The following MYO1D variants were observed in gnomAD, a reference collection of about 807,000 sequenced individuals.
The protein encoded by MYO1D is unconventional myosin-Id.
A neutral mutation model predicts 122.0 loss-of-function variants in MYO1D; 83 were observed. That is an observed-to-expected ratio of 0.68 (90% CI 0.57 to 0.82). The LOEUF (loss-of-function observed/expected upper bound fraction) is 0.82, where lower values mean the gene tolerates loss of function less well. Ranked by LOEUF, MYO1D falls within the 40% of genes least tolerant of loss-of-function variation. The probability of loss-of-function intolerance (pLI) is 0.00; values close to 1 mark genes in which losing one functional copy is unlikely to be tolerated. For missense variants in MYO1D, 1,157 were observed against 1,269.5 expected, an observed-to-expected ratio of 0.91 and a Z score of 1.35; for synonymous variants, 464 against 446.9, an observed-to-expected ratio of 1.04 and a Z score of -0.48.
At chr17:32,598,613 G>A (rs1012869023) in intron 21 of MYO1D, among the ~76,000 whole-genome samples, 4 of 152,104 alleles carry the variant, frequency 2.6e-5, no homozygotes, top group Non-Finnish European at 5.9e-5. Flanking sequence ...GATATTTTGG[G>A]TTTGGGTGCA....
At chr17:32,639,346 T>G in intron 19 of MYO1D, among the ~76,000 whole-genome samples, 1 of 147,890 alleles carries the variant, frequency 6.8e-6, no homozygotes, top group Non-Finnish European at 1.5e-5. Flanking sequence ...AACTAGATTA[T>G]GAGATTGGGA....
At chr17:32,717,907 T>C (rs2089466523) in intron 15 of MYO1D, among the ~76,000 whole-genome samples, 1 of 152,220 alleles carries the variant, frequency 6.6e-6, no homozygotes, top group Non-Finnish European at 1.5e-5. Flanking sequence ...TGCAAATCCC[T>C]GGCCACTGTT....
intron 20 of MYO1D, among the ~76,000 whole-genome samples, chr17:32,607,943 C>A (rs962790140): frequency 1.3e-5 from 2 of 152,074 alleles, no homozygotes; most frequent in African/African-American, 4.8e-5. Flanking sequence ...CCCATGCAAA[C>A]GGAAATAAAA....
At chr17:32,697,580 C>T (rs552011784) in intron 16 of MYO1D, among the ~76,000 whole-genome samples, 5 of 152,004 alleles carry the variant, frequency 3.3e-5, no homozygotes, top group Non-Finnish European at 7.4e-5. Context: ...CTAGCCATAG[C>T]TCGAAAGTCA....
intron 21 of MYO1D, among the ~76,000 whole-genome samples, chr17:32,601,939 G>A (rs992700087): frequency 3.3e-5 from 5 of 152,188 alleles, no homozygotes; most frequent in Non-Finnish European, 5.9e-5. Flanking sequence ...ACTGCAGGAG[G>A]TGAAAGAGAG....
intron 19 of MYO1D, among the ~76,000 whole-genome samples, chr17:32,648,048 T>A (rs1423890505): frequency 6.6e-6 from 1 of 152,110 alleles, no homozygotes; most frequent in African/African-American, 2.4e-5. Context: ...ACCCTGCCTA[T>A]ACTAAAAATA....
intron 16 of MYO1D, among the ~76,000 whole-genome samples, chr17:32,680,356 C>T (rs2088894226): frequency 9.6e-5 from 1 of 10,404 alleles, no homozygotes; most frequent in Non-Finnish European, 1.9e-4. Flanking sequence ...AAAGGGAATG[C>T]TTCCAGTTTT....
chr17:32,563,206 CTT>C (rs1279675450), intron 21 of MYO1D, among the ~76,000 whole-genome samples: 1 of 95,982 alleles, frequency 1.0e-5, no homozygotes, highest in African/African-American at 3.9e-5. Context: ...TTTCTTCTCT[CTT>C]TTTTTTTTTT....
chr17:32,755,930 C>T (rs2089943315), intron 10 of MYO1D, among the ~76,000 whole-genome samples: 1 of 152,164 alleles, frequency 6.6e-6, no homozygotes, highest in Non-Finnish European at 1.5e-5. Flanking sequence ...CCATTTCTCC[C>T]ATTACAAACT....
intron 21 of MYO1D, among the ~76,000 whole-genome samples, chr17:32,580,674 G>C (rs2087330050): frequency 6.6e-6 from 1 of 152,062 alleles, no homozygotes; most frequent in Admixed American, 6.5e-5. Flanking sequence ...CTCCCAAAGT[G>C]CTGGGATTAC....
chr17:32,683,813 A>C (rs2088962083), intron 16 of MYO1D, among the ~76,000 whole-genome samples: 1 of 152,190 alleles, frequency 6.6e-6, no homozygotes, highest in Non-Finnish European at 1.5e-5. Flanking sequence ...TACCTAAGCA[A>C]GCCTGGGCAA....
At chr17:32,835,162 G>A (rs1013916892) in intron 1 of MYO1D, among the ~76,000 whole-genome samples, 1 of 151,636 alleles carries the variant, frequency 6.6e-6, no homozygotes, top group African/African-American at 2.4e-5. Context: ...CTTTCTTTTG[G>A]GGTTTTTTTT....
In MYO1D at chr17:32,567,464, G is replaced by A. The variant is rs917261580; in HGVS notation, c.2864+37623C>T. Among the ~76,000 whole-genome samples, 4 of 152,352 alleles carry A rather than the reference G, an allele frequency of 2.6e-5. No homozygotes were observed. The South Asian group carries it at 8.3e-4, about 32-fold the overall frequency. ...CAAACCCAACCACCAGGTACAGCAG[G>A]TGTTGTCGTCACAATCCTGGGAAGG... On this transcript the variant is annotated intron_variant, in intron 21 of 21. Transcript: ENST00000318217.
chr17:32,502,288 C>T (rs1472138657), intron 21 of MYO1D, among the ~76,000 whole-genome samples: 2 of 152,146 alleles, frequency 1.3e-5, no homozygotes, highest in Non-Finnish European at 2.9e-5. Flanking sequence ...AAACATGATG[C>T]TAAGTGAAAG....
intron 21 of MYO1D, among the ~76,000 whole-genome samples, chr17:32,539,288 C>T (rs1023746742): frequency 6.8e-6 from 1 of 147,098 alleles, no homozygotes; most frequent in African/African-American, 2.6e-5. Flanking sequence ...CACACACACA[C>T]ACACACACAC....
chr17:32,785,486 G>A (rs1053337331), intron 1 of MYO1D, among the ~76,000 whole-genome samples: 11 of 152,072 alleles, frequency 7.2e-5, no homozygotes, highest in African/African-American at 1.9e-4. Flanking sequence ...TACCATGAAC[G>A]TTCCTATTTC....
At chr17:32,745,577 A>G in intron 12 of MYO1D, 1 of 274,134 alleles carries the variant, frequency 3.6e-6, no homozygotes, top group South Asian at 5.5e-5. Context: ...CATTCCTAAG[A>G]TAAAAGCAAA....
chr17:32,764,839 G>T, intron 8 of MYO1D, 39 bp downstream of exon 8: 3 of 1,601,576 alleles, frequency 1.9e-6, no homozygotes, highest in South Asian at 2.2e-5. Context: ...TTGCAACTGC[G>T]ATCAACACCA....
At chr17:32,743,487 A>G (rs1567620462) in intron 13 of MYO1D, among the ~76,000 whole-genome samples, 1 of 152,044 alleles carries the variant, frequency 6.6e-6, no homozygotes, top group South Asian at 2.1e-4. Context: ...TTCCTCTCAC[A>G]CCACACATTG....
Sources: allele counts gnomAD v4.1 joint callset (sites outside exome capture counted in the v4.1 genomes callset), GRCh38; gene constraint gnomAD v4.1.1; transcripts MANE v1.5; gene names NCBI Gene and HGNC (gene_info 2026-07-23, HGNC 2026-07-21).